Variants in WWOX observed in about 807,000 individuals in gnomAD.
WWOX encodes the protein WW domain containing oxidoreductase, also known as WW domain-containing oxidoreductase.
Under a neutral mutation model 46.2 loss-of-function variants are expected in WWOX, and 69 were observed. That is an observed-to-expected ratio of 1.49 (90% CI 1.23 to 1.82). The LOEUF is 1.82. Ranked by LOEUF, WWOX falls within the 40% of genes most tolerant of loss-of-function variation. The pLI is 0.00. For synonymous variants in WWOX, 359 were observed against 202.6 expected, an observed-to-expected ratio of 1.77 and a Z score of -6.56; for missense variants, 919 against 542.6, an observed-to-expected ratio of 1.69 and a Z score of -6.89.
intron 8 of WWOX, among the ~76,000 whole-genome samples, chr16:79,097,420 A>G (rs2049098977): frequency 6.6e-6 from 1 of 151,974 alleles, no homozygotes; most frequent in Non-Finnish European, 1.5e-5. Flanking sequence ...CAGGAACTGA[A>G]AGTGATAATT....
intron 8 of WWOX, among the ~76,000 whole-genome samples, chr16:78,505,331 C>G (rs1426681229): frequency 6.6e-6 from 1 of 152,178 alleles, no homozygotes; most frequent in South Asian, 2.1e-4. Context: ...TCTGGCTTGA[C>G]AATGCCTTCT....
At chr16:78,583,837 C>T (rs1475643218) in intron 8 of WWOX, among the ~76,000 whole-genome samples, 1 of 152,204 alleles carries the variant, frequency 6.6e-6, no homozygotes, top group East Asian at 1.9e-4. Flanking sequence ...GTAATTGAGC[C>T]TCTCAGGTGA....
chr16:78,692,392 A>G (rs948376329), intron 8 of WWOX, among the ~76,000 whole-genome samples: 1 of 152,214 alleles, frequency 6.6e-6, no homozygotes, highest in Non-Finnish European at 1.5e-5. Context: ...CAAAGTGTAC[A>G]TTGCCTTTAA....
intron 5 of WWOX, among the ~76,000 whole-genome samples, chr16:78,326,569 CTCCCCCCG>C (rs1188683594): frequency 2.0e-5 from 1 of 51,094 alleles, no homozygotes; most frequent in African/African-American, 8.8e-5. Context: ...TCTGCCTGCC[CTCCCCCCG>C]CCCCCCCCCC....
chr16:78,879,865 A>C (rs909358435), intron 8 of WWOX, among the ~76,000 whole-genome samples: 1 of 122,744 alleles, frequency 8.1e-6, no homozygotes, highest in Non-Finnish European at 1.8e-5. Context: ...CAACAACAGC[A>C]AAACTCTGTC....
chr16:78,464,874 T>G (rs78902554), intron 8 of WWOX, among the ~76,000 whole-genome samples: 4 of 152,314 alleles, frequency 2.6e-5, no homozygotes, highest in East Asian at 3.9e-4. Flanking sequence ...CCCATACTTC[T>G]GTGAAGAAAT....
intron 8 of WWOX, among the ~76,000 whole-genome samples, chr16:78,576,368 C>T (rs187426202): frequency 8.2e-4 from 125 of 152,314 alleles, no homozygotes; most frequent in African/African-American, 3.0e-3. Flanking sequence ...TCCCAAAAGA[C>T]ATAGCTTGGT....
At chr16:78,377,064 C>A (rs142195328) in intron 5 of WWOX, among the ~76,000 whole-genome samples, 83 of 152,348 alleles carry the variant, frequency 5.4e-4, no homozygotes, top group African/African-American at 1.9e-3. Flanking sequence ...ACTGATTTTT[C>A]TTTTATCACT....
chr16:79,086,916 G>A (rs1438829528), intron 8 of WWOX, among the ~76,000 whole-genome samples: 4 of 152,158 alleles, frequency 2.6e-5, no homozygotes, highest in African/African-American at 4.8e-5. Flanking sequence ...TATGTGTTCA[G>A]TAAGAGCTGC....
intron 7 of WWOX, among the ~76,000 whole-genome samples, chr16:78,432,026 T>C (rs188846043): frequency 1.1e-3 from 170 of 152,294 alleles, no homozygotes; most frequent in African/African-American, 4.0e-3. Context: ...TGTGTTTATA[T>C]TGTTAAATCA....
At chr16:78,271,911 C>T (rs562951132) in intron 5 of WWOX, among the ~76,000 whole-genome samples, 7 of 152,202 alleles carry the variant, frequency 4.6e-5, no homozygotes, top group South Asian at 2.1e-4. Flanking sequence ...TTACGTTTTC[C>T]GGGATAACTT....
At chr16:78,928,018 T>G (rs1029275807) in intron 8 of WWOX, among the ~76,000 whole-genome samples, 1 of 152,094 alleles carries the variant, frequency 6.6e-6, no homozygotes, top group Non-Finnish European at 1.5e-5. Flanking sequence ...TATGAAGTCT[T>G]GCTAGAATGC....
chr16:79,148,660 A>T (rs1454005137), intron 8 of WWOX, among the ~76,000 whole-genome samples: 1 of 152,180 alleles, frequency 6.6e-6, no homozygotes, highest in Non-Finnish European at 1.5e-5. Flanking sequence ...CTATAGATCA[A>T]TTCGGGAGAA....
chr16:78,330,570 T>G (rs1299190597), intron 5 of WWOX, among the ~76,000 whole-genome samples: 1 of 152,210 alleles, frequency 6.6e-6, no homozygotes, highest in Non-Finnish European at 1.5e-5. Flanking sequence ...CTAATTTTTG[T>G]ATTTTTAGTG....
Position 78,104,054 on chromosome 16 carries a change from G to A in WWOX, c.107+4169G>A, listed in dbSNP as rs367585233. ...GTCTCAGAGCAGCCCCTTCATGGGA[G>A]ATGGGAAGTGAGGGACAAGGTCTCA... On this transcript the variant is annotated intron_variant, in intron 1 of 8. Coordinates refer to ENST00000566780, the MANE Select transcript of WWOX (RefSeq NM_016373.4). Among the ~76,000 whole-genome samples the A allele has an allele frequency of 9.2e-5, 14 of 152,170 alleles. 1 individual carries two copies. In the East Asian group the frequency reaches 2.5e-3, roughly 27 times the overall value.
chr16:78,253,560 C>T (rs143380551), intron 5 of WWOX, among the ~76,000 whole-genome samples: 122 of 152,260 alleles, frequency 8.0e-4, no homozygotes, highest in African/African-American at 2.7e-3. Context: ...CACTTTTGTG[C>T]TTTGACCGTC....
intron 8 of WWOX, among the ~76,000 whole-genome samples, chr16:78,757,417 C>A (rs948416934): frequency 5.9e-5 from 9 of 152,158 alleles, no homozygotes; most frequent in Non-Finnish European, 1.3e-4. Flanking sequence ...CTGTCTGTTG[C>A]TTCTGTACCT....
chr16:78,748,977 C>T (rs965922217), intron 8 of WWOX, among the ~76,000 whole-genome samples: 2 of 152,214 alleles, frequency 1.3e-5, no homozygotes, highest in African/African-American at 4.8e-5. Flanking sequence ...AAATTTGAAC[C>T]TGACCAAATC....
intron 8 of WWOX, among the ~76,000 whole-genome samples, chr16:78,927,728 T>A (rs2045531159): frequency 6.6e-6 from 1 of 152,206 alleles, no homozygotes; most frequent in Non-Finnish European, 1.5e-5. Context: ...TGGGCTTGTA[T>A]CTTTTGTTTC....
Sources: allele counts gnomAD v4.1 joint callset (sites outside exome capture counted in the v4.1 genomes callset), GRCh38; gene constraint gnomAD v4.1.1; transcripts MANE v1.5; gene names NCBI Gene and HGNC (gene_info 2026-07-23, HGNC 2026-07-21).